RASGRP3: variants seen among roughly 807,000 people sequenced by gnomAD.
RASGRP3 encodes RAS guanyl releasing protein 3, also known as ras guanyl-releasing protein 3.
In RASGRP3, 54 loss-of-function variants were observed where a neutral mutation model predicts 82.7. The ratio of observed to expected loss-of-function variants is 0.65; its 90% CI spans 0.52 to 0.82. The LOEUF (loss-of-function observed/expected upper bound fraction) is 0.82, where lower values mean the gene tolerates loss of function less well. RASGRP3 is among the 40% of genes least tolerant of loss of function. The pLI is 0.00. For missense variants in RASGRP3, 861 were observed against 828.9 expected, an observed-to-expected ratio of 1.04 and a Z score of -0.48; for synonymous variants, 309 against 300.5, an observed-to-expected ratio of 1.03 and a Z score of -0.29.
At position 33,524,564 on chromosome 2, in the gene RASGRP3, T is replaced by A. The variant is rs1470076394; in HGVS notation, c.807+16T>A. 1 of 1,527,020 alleles carries A rather than the reference T, an allele frequency of 6.5e-7. No individual in the cohort carries two copies. The highest frequency in any genetic ancestry group is 2.0e-5 in the Admixed American group (1 of 50,276). The allele number at this position is 1,527,020 out of a possible 1,614,324, so 94.6% of individuals were successfully genotyped here. Reference sequence around the variant, plus strand: ...AGTTACAAAGGTATAGTAGACTTGATCCTAATCAAAAGTAAAAAAATGCAT... The same window carrying A: ...AGTTACAAAGGTATAGTAGACTTGAACCTAATCAAAAGTAAAAAAATGCAT... On this transcript the variant is annotated intron_variant, in intron 9 of 17. Coordinates refer to ENST00000403687, the MANE Select transcript of RASGRP3 (RefSeq NM_001139488.2).
chr2:33,489,342 T>C (rs1405525328), intron 1 of RASGRP3, among the ~76,000 whole-genome samples: 1 of 152,206 alleles, frequency 6.6e-6, no homozygotes, highest in Non-Finnish European at 1.5e-5. Context: ...GATGGCCTAA[T>C]ACACTTGCAG....
chr2:33,548,417 G>A (rs1031198064), intron 13 of RASGRP3, among the ~76,000 whole-genome samples: 1 of 151,330 alleles, frequency 6.6e-6, no homozygotes, highest in African/African-American at 2.4e-5. Context: ...GTTGGAGATG[G>A]CAGCAGGACT....
intron 2 of RASGRP3, among the ~76,000 whole-genome samples, chr2:33,461,780 G>T (rs1383073620): frequency 6.6e-6 from 1 of 152,200 alleles, no homozygotes; most frequent in Non-Finnish European, 1.5e-5. Flanking sequence ...CGAGACTACA[G>T]TCAAAAGATT....
intron 2 of RASGRP3, among the ~76,000 whole-genome samples, chr2:33,457,392 T>C (rs946721185): frequency 6.6e-6 from 1 of 152,210 alleles, no homozygotes; most frequent in Admixed American, 6.5e-5. Flanking sequence ...AAAACATGCT[T>C]TATTGTAATA....
intron 1 of RASGRP3, among the ~76,000 whole-genome samples, chr2:33,493,980 C>T (rs1669084231): frequency 6.6e-6 from 1 of 152,134 alleles, no homozygotes; most frequent in South Asian, 2.1e-4. Flanking sequence ...AATCAGCCTA[C>T]TGCCTCATAT....
intron 2 of RASGRP3, among the ~76,000 whole-genome samples, chr2:33,450,580 A>T (rs1272156387): frequency 6.6e-6 from 1 of 151,944 alleles, no homozygotes; most frequent in African/African-American, 2.4e-5. Context: ...GCTAAATAGC[A>T]CTCCATTGTA....
chr2:33,484,968 G>C (rs1304892606), intron 1 of RASGRP3, among the ~76,000 whole-genome samples: 1 of 152,172 alleles, frequency 6.6e-6, no homozygotes, highest in Non-Finnish European at 1.5e-5. Context: ...GGAGGCTGAG[G>C]CAGGTGGATC....
chr2:33,498,349 A>G (rs1162040207), intron 1 of RASGRP3, among the ~76,000 whole-genome samples: 2 of 152,250 alleles, frequency 1.3e-5, no homozygotes, highest in South Asian at 2.1e-4. Flanking sequence ...ACACAGTTAG[A>G]AAGTTCAAGA....
chr2:33,527,399 T>A lies in RASGRP3; in HGVS notation c.1070T>A (p.Ile357Asn). ...CACTTAGAACCCAACATGGATTTGA[T>A]CAACCTGCTCACGGTGAGTTCCAAG... ...SHHLEPNMDL[I>N]NLLTLSLDLY... Residue 357 changes from isoleucine to asparagine, a missense_variant, in exon 10 of 18, where the codon ATC (isoleucine) becomes AAC (asparagine). By Grantham distance (149) the Ile-to-Asn change is moderately radical. Coordinates refer to ENST00000403687, the MANE Select transcript of RASGRP3 (RefSeq NM_001139488.2). 1 of 1,612,970 alleles carries A rather than the reference T, an allele frequency of 6.2e-7. No individual in the cohort carries two copies. The highest frequency in any genetic ancestry group is 8.5e-7 in the Non-Finnish European group (1 of 1,179,072).
rs563000589 is a variant in RASGRP3 at position 33,509,941 on chromosome 2, C to T, written c.-260-1769C>T. ...CCTATGGAGTATCAGGTAATATAATCACAGCACTTTAAAAAAAAATCTCAT... is the reference window on the plus strand; with the variant it reads ...CCTATGGAGTATCAGGTAATATAATTACAGCACTTTAAAAAAAAATCTCAT... On this transcript the variant is annotated intron_variant, in intron 1 of 17. Transcript: ENST00000403687. 1.9e-3 allele frequency among the ~76,000 whole-genome samples: 284 copies of T among 152,256 alleles called. 2 individuals are homozygous for T. Among genetic ancestry groups the T allele is most frequent in the African/African-American group, 6.3e-3 (263 of 41,554 alleles).
intron 10 of RASGRP3, among the ~76,000 whole-genome samples, chr2:33,529,591 G>C (rs1672918001): frequency 6.6e-6 from 1 of 151,248 alleles, no homozygotes; most frequent in African/African-American, 2.4e-5. Flanking sequence ...TTCTCTCTCT[G>C]TCTCATATTG....
In RASGRP3 at chr2:33,451,622, G is replaced by T. The variant is rs76289578; in HGVS notation, c.-261+3679G>T. ...GTTCATTTTTGTATGTAACGTAAGG[G>T]TTCGATTTCATTTACTGCTGCTTTC... is the stretch of plus-strand genomic sequence containing the variant. On this transcript the variant is annotated intron_variant, in intron 2 of 18. Coordinates refer to the RASGRP3 transcript ENST00000402538. Among the ~76,000 whole-genome samples the T allele has an allele frequency of 3.9e-3, 590 of 152,094 alleles. 1 individual carries two copies. Among genetic ancestry groups the T allele is most frequent in the African/African-American group, 0.014 (564 of 41,496 alleles).
chr2:33,469,712 C>T (rs1404686017), intron 2 of RASGRP3, among the ~76,000 whole-genome samples: 2 of 152,092 alleles, frequency 1.3e-5, no homozygotes, highest in Non-Finnish European at 2.9e-5. Flanking sequence ...CTGCCCACCT[C>T]GGCCTCCCAA....
At position 33,523,987 on chromosome 2, in the gene RASGRP3, G is replaced by A. The variant is rs377431465; in HGVS notation, c.625G>A (p.Val209Ile). 2.4e-5 allele frequency: 39 copies of A among 1,613,788 alleles called. No homozygotes were observed. The highest frequency in any genetic ancestry group is 2.0e-4 in the African/African-American group (15 of 74,912). The change falls in exon 8 of 18, where the codon GTT (valine) becomes ATT (isoleucine). Residue 209 changes from valine (V) to isoleucine (I), a missense_variant. Val to Ile is a conservative substitution (Grantham distance 29). Coordinates refer to ENST00000403687, the MANE Select transcript of RASGRP3 (RefSeq NM_001139488.2). ...AATCTCTAAGTGGGTCCAGTTGATG[G>A]TTCTTAGCAAACCAACCCCCCAGCA... ...NGISKWVQLM[V>I]LSKPTPQQRA...
At chr2:33,516,895 C>A in intron 4 of RASGRP3, 1 of 328,388 alleles carries the variant, frequency 3.0e-6, no homozygotes, top group East Asian at 5.5e-5. Flanking sequence ...GAACTGTAGG[C>A]TGGATGTTTC....
At chr2:33,478,509 A>C (rs539162294) in intron 1 of RASGRP3, among the ~76,000 whole-genome samples, 1 of 152,348 alleles carries the variant, frequency 6.6e-6, no homozygotes, top group South Asian at 2.1e-4. Flanking sequence ...CGAGCCTCCC[A>C]TAATAAAATG....
intron 1 of RASGRP3, among the ~76,000 whole-genome samples, chr2:33,508,659 C>T (rs1406911687): frequency 1.3e-5 from 2 of 152,162 alleles, no homozygotes; most frequent in South Asian, 2.1e-4. Context: ...TGACGTTTAT[C>T]GAGAGGAGAA....
At chr2:33,538,837 G>C (rs984102884) in intron 11 of RASGRP3, among the ~76,000 whole-genome samples, 2 of 152,140 alleles carry the variant, frequency 1.3e-5, no homozygotes, top group Non-Finnish European at 2.9e-5. Context: ...CCAGGAGTTA[G>C]AGACCAGCCT....
intron 1 of RASGRP3, among the ~76,000 whole-genome samples, chr2:33,491,389 A>G (rs1410970412): frequency 6.6e-6 from 1 of 152,250 alleles, no homozygotes; most frequent in Non-Finnish European, 1.5e-5. Flanking sequence ...ATACTGTTTA[A>G]TAACTGCTTA....
Sources: gnomAD v4.1 joint callset for allele counts (sites outside exome capture counted in the v4.1 genomes callset) on GRCh38, gnomAD v4.1.1 for gene constraint, MANE v1.5 for transcripts, NCBI Gene and HGNC (gene_info 2026-07-23, HGNC 2026-07-21) for gene names.